Variants in CAMTA1 observed in about 807,000 individuals in gnomAD.
CAMTA1 encodes the protein calmodulin-binding transcription activator 1.
A neutral mutation model predicts 170.9 loss-of-function variants in CAMTA1; 27 were observed. The observed-to-expected ratio is 0.16, with a 90% CI of 0.12 to 0.22. The LOEUF (loss-of-function observed/expected upper bound fraction) is 0.22. Among genes scored for constraint, CAMTA1 ranks in the 10% least tolerant of loss-of-function variants. The probability of loss-of-function intolerance (pLI) is 1.00; values close to 1 mark genes in which losing one functional copy is unlikely to be tolerated. For synonymous variants in CAMTA1, 833 were observed against 891.5 expected (o/e 0.93, Z 1.17); for missense variants, 1,619 against 2,217.2 (o/e 0.73, Z 5.42).
chr1:7,766,607 G>T lies in CAMTA1; in HGVS notation c.*116G>T. 1.2e-6 allele frequency: 1 copy of T among 820,466 alleles called. No individual in the cohort carries two copies. 50.8% of individuals were successfully genotyped at this position (820,466 alleles called of 1,614,324 possible). A position where few individuals can be genotyped will look rare whatever the true frequency, so the allele number is the denominator to read the frequency against. On this transcript the variant is annotated 3_prime_UTR_variant, in exon 23 of 23. Transcript: ENST00000303635. Reference sequence around the variant, plus strand: ...CACGCACACACGCACACACACACACGTACACACACATACAAAATCCCTCTG... The same window carrying T: ...CACGCACACACGCACACACACACACTTACACACACATACAAAATCCCTCTG...
chr1:6,795,666 T>A (rs1224210380), intron 1 of CAMTA1, among the ~76,000 whole-genome samples: 1 of 152,212 alleles, frequency 6.6e-6, no homozygotes, highest in Non-Finnish European at 1.5e-5. Context: ...AATGACTTTT[T>A]CTTTTATTTC....
intron 3 of CAMTA1, among the ~76,000 whole-genome samples, chr1:6,839,530 C>T (rs1654810554): frequency 1.3e-5 from 2 of 152,146 alleles, no homozygotes; most frequent in South Asian, 4.1e-4. Context: ...TTCCAATTCT[C>T]ATGGAGCTTA....
chr1:7,058,895 A>ACACT (rs1553232551), intron 3 of CAMTA1, among the ~76,000 whole-genome samples: 4 of 151,176 alleles, frequency 2.6e-5, no homozygotes, highest in Non-Finnish European at 3.0e-5. Flanking sequence ...ACACACACAC[A>ACACT]CTCTCTCTCT....
chr1:6,799,005 T>G (rs1454667770), intron 1 of CAMTA1, among the ~76,000 whole-genome samples: 1 of 152,186 alleles, frequency 6.6e-6, no homozygotes, highest in Non-Finnish European at 1.5e-5. Flanking sequence ...ACAAGCCCAC[T>G]TGGATTCCCA....
At chr1:6,837,198 C>A (rs886690184) in intron 3 of CAMTA1, among the ~76,000 whole-genome samples, 1 of 152,096 alleles carries the variant, frequency 6.6e-6, no homozygotes, top group Non-Finnish European at 1.5e-5. Flanking sequence ...CCTCGTGATC[C>A]ACCCGCCTCG....
At chr1:7,470,799 G>A (rs555364369) in intron 6 of CAMTA1, among the ~76,000 whole-genome samples, 4 of 152,306 alleles carry the variant, frequency 2.6e-5, no homozygotes, top group South Asian at 2.1e-4. Context: ...CTGTGAACTC[G>A]CTCCTGCCCT....
At chr1:7,112,985 G>A (rs573821393) in intron 4 of CAMTA1, among the ~76,000 whole-genome samples, 3 of 152,344 alleles carry the variant, frequency 2.0e-5, no homozygotes, top group African/African-American at 7.2e-5. Flanking sequence ...CCCCATTGGT[G>A]GAAACCTTTC....
intron 3 of CAMTA1, among the ~76,000 whole-genome samples, chr1:7,084,561 C>T (rs920978806): frequency 2.6e-5 from 4 of 152,220 alleles, no homozygotes; most frequent in Non-Finnish European, 4.4e-5. Context: ...GGAGGGGACA[C>T]GGCTCGTCAC....
intron 5 of CAMTA1, chr1:7,382,746 A>T (rs1312674085): frequency 6.6e-6 from 1 of 152,198 alleles, no homozygotes; most frequent in African/African-American, 2.4e-5. Flanking sequence ...GAATAAAAGG[A>T]CAACAATATT....
chr1:7,278,874 G>A (rs1214101634), intron 5 of CAMTA1, among the ~76,000 whole-genome samples: 1 of 152,214 alleles, frequency 6.6e-6, no homozygotes, highest in African/African-American at 2.4e-5. Context: ...GAGGAAAAGT[G>A]CAGGAACTCT....
At chr1:6,805,804 C>G (rs796854277) in intron 1 of CAMTA1, among the ~76,000 whole-genome samples, 5 of 152,262 alleles carry the variant, frequency 3.3e-5, no homozygotes, top group African/African-American at 1.2e-4. Flanking sequence ...AGCTGCTGTG[C>G]TGGCCTTTAC....
intron 5 of CAMTA1, among the ~76,000 whole-genome samples, chr1:7,276,753 A>G (rs1167878242): frequency 6.6e-6 from 1 of 152,216 alleles, no homozygotes; most frequent in Non-Finnish European, 1.5e-5. Context: ...TAAAAGGCAT[A>G]CAGATGGAAA....
intron 4 of CAMTA1, among the ~76,000 whole-genome samples, chr1:7,201,878 C>T (rs1044106983): frequency 2.6e-5 from 4 of 152,070 alleles, no homozygotes; most frequent in African/African-American, 9.7e-5. Flanking sequence ...CACAAAAGTT[C>T]TGTGTTCTGA....
At chr1:7,398,710 G>A (rs2089646289) in intron 5 of CAMTA1, among the ~76,000 whole-genome samples, 1 of 151,980 alleles carries the variant, frequency 6.6e-6, no homozygotes. Flanking sequence ...TACATCCTGT[G>A]TTCCTTTCTT....
rs1480314827 is a variant in CAMTA1, at chr1:7,499,848, G to A, written c.510+31947G>A. Among the ~76,000 whole-genome samples, 4 of 148,088 alleles carry A rather than the reference G, an allele frequency of 2.7e-5. 1 individual carries two copies. Among genetic ancestry groups the A allele is most frequent in the Non-Finnish European group, 6.0e-5 (4 of 67,098 alleles). ...TGCATATGTATGTGTGTGTGCATGT[G>A]TGTACATGAGTGTATATAGAGGATT... is the stretch of plus-strand genomic sequence containing the variant. On this transcript the variant is annotated intron_variant, in intron 6 of 22. Transcript: ENST00000303635.
At chr1:6,827,444 G>A (rs1418051878) in intron 3 of CAMTA1, among the ~76,000 whole-genome samples, 2 of 151,954 alleles carry the variant, frequency 1.3e-5, no homozygotes, top group Non-Finnish European at 2.9e-5. Flanking sequence ...TTTTGGCTTT[G>A]GAAAAATAGA....
chr1:6,788,891 C>G (rs966333027), intron 1 of CAMTA1, among the ~76,000 whole-genome samples: 2 of 152,116 alleles, frequency 1.3e-5, no homozygotes, highest in Non-Finnish European at 2.9e-5. Flanking sequence ...TAGCTTTTTC[C>G]TTTTACCTTG....
chr1:7,054,252 G>A (rs1706938700), intron 3 of CAMTA1, among the ~76,000 whole-genome samples: 1 of 152,158 alleles, frequency 6.6e-6, no homozygotes, highest in Admixed American at 6.5e-5. Context: ...TCTCCTTGGG[G>A]ACAGCTCATG....
intron 6 of CAMTA1, among the ~76,000 whole-genome samples, chr1:7,576,947 A>G (rs1363365219): frequency 1.3e-5 from 2 of 152,278 alleles, no homozygotes; most frequent in African/African-American, 4.8e-5. Flanking sequence ...GAAAGTGGAG[A>G]AAGGGGCTGA....
Sources: gnomAD v4.1 joint callset for allele counts (sites outside exome capture counted in the v4.1 genomes callset) on GRCh38, gnomAD v4.1.1 for gene constraint, MANE v1.5 for transcripts, NCBI Gene and HGNC (gene_info 2026-07-23, HGNC 2026-07-21) for gene names.